Variants in RNF43 observed in about 807,000 individuals in gnomAD.
RNF43 encodes the protein ring finger protein 43, also known as E3 ubiquitin-protein ligase RNF43.
Under a neutral mutation model 78.4 loss-of-function variants are expected in RNF43, and 37 were observed. The observed-to-expected ratio is 0.47, with a 90% CI of 0.36 to 0.62. The LOEUF is 0.62. Ranked by LOEUF, RNF43 falls within the 20% of genes least tolerant of loss-of-function variation. The pLI is 0.00. For missense variants in RNF43, 774 were observed against 1,007.9 expected (o/e 0.77, Z 3.14); for synonymous variants, 347 against 395.0 (o/e 0.88, Z 1.44).
At chr17:58,401,727 G>A (rs1973803930) in intron 2 of RNF43, among the ~76,000 whole-genome samples, 1 of 151,804 alleles carries the variant, frequency 6.6e-6, no homozygotes, top group Non-Finnish European at 1.5e-5. Flanking sequence ...TCAGTTGCAG[G>A]CTGGGCTCTC....
intron 6 of RNF43, among the ~76,000 whole-genome samples, chr17:58,362,303 G>C (rs1001436907): frequency 6.6e-6 from 1 of 152,058 alleles, no homozygotes; most frequent in Non-Finnish European, 1.5e-5. Context: ...CTTGTTCACT[G>C]TACTACCCTC....
At chr17:58,362,106 C>CA (rs760631552) in intron 6 of RNF43, among the ~76,000 whole-genome samples, 2,317 of 148,338 alleles carry the variant, frequency 0.016, 24 homozygotes, top group Non-Finnish European at 0.022. Context: ...AACAAACAAA[C>CA]AAACAAAAAA....
intron 3 of RNF43, among the ~76,000 whole-genome samples, chr17:58,366,726 G>T (rs1320045449): frequency 6.6e-6 from 1 of 152,202 alleles, no homozygotes; most frequent in Non-Finnish European, 1.5e-5. Context: ...CCATAGGGTT[G>T]TTATGAGGAC....
intron 2 of RNF43, among the ~76,000 whole-genome samples, chr17:58,393,019 G>A (rs1290944459): frequency 6.6e-6 from 1 of 152,216 alleles, no homozygotes; most frequent in Non-Finnish European, 1.5e-5. Flanking sequence ...GAAACGGTAA[G>A]AACAACCCCT....
chr17:58,379,763 G>C (rs940717064), intron 2 of RNF43, among the ~76,000 whole-genome samples: 1 of 152,310 alleles, frequency 6.6e-6, no homozygotes, highest in Admixed American at 6.5e-5. Flanking sequence ...AGCTGCTTTT[G>C]AAATAAAGTG....
rs57986909 is a variant in RNF43, at chr17:58,406,769, TA to T, written c.252+8556del. Among the ~76,000 whole-genome samples the T allele has an allele frequency of 7.1e-3, 1,052 of 147,850 alleles. 8 individuals carry two copies. Among genetic ancestry groups the T allele is most frequent in the African/African-American group, 0.018 (711 of 40,470 alleles). On this transcript the variant is annotated intron_variant, in intron 2 of 9. Transcript: ENST00000407977. ...GGAAATCTATACTTTTTTTTTTTTT[TA>T]AAATAGCAAAATAAGTAGACTTATA... is the stretch of plus-strand genomic sequence containing the variant.
intron 2 of RNF43, among the ~76,000 whole-genome samples, chr17:58,387,245 C>A (rs968706707): frequency 6.6e-6 from 1 of 152,036 alleles, no homozygotes; most frequent in Non-Finnish European, 1.5e-5. Flanking sequence ...TTGTCTGGAC[C>A]CTGTTCCTGC....
intron 2 of RNF43, among the ~76,000 whole-genome samples, chr17:58,376,574 T>C (rs1026442487): frequency 1.3e-5 from 2 of 152,182 alleles, no homozygotes; most frequent in Non-Finnish European, 2.9e-5. Flanking sequence ...TGGCATTCCC[T>C]GGGTATAACA....
chr17:58,405,748 A>AAGAAAGAG (rs1555637529), intron 2 of RNF43, among the ~76,000 whole-genome samples: 2 of 151,530 alleles, frequency 1.3e-5, no homozygotes, highest in Non-Finnish European at 2.9e-5. Flanking sequence ...GAAAGAAAGA[A>AAGAAAGAG]AGAAAGAAAG....
At chr17:58,395,470 C>A (rs1973659888) in intron 2 of RNF43, among the ~76,000 whole-genome samples, 1 of 151,832 alleles carries the variant, frequency 6.6e-6, no homozygotes, top group Non-Finnish European at 1.5e-5. Context: ...TTATTGTGTA[C>A]ACTTGAACTC....
chr17:58,405,872 A>C (rs1278741881), intron 2 of RNF43, among the ~76,000 whole-genome samples: 1 of 152,226 alleles, frequency 6.6e-6, no homozygotes, highest in East Asian at 1.9e-4. Flanking sequence ...CCTCAGTTGG[A>C]CAAGGCTAAG....
chr17:58,401,724 C>T (rs189283460), intron 2 of RNF43, among the ~76,000 whole-genome samples: 1 of 152,078 alleles, frequency 6.6e-6, no homozygotes, highest in East Asian at 1.9e-4. Flanking sequence ...AGGTCAGTTG[C>T]AGGCTGGGCT....
chr17:58,360,112 T>C lies in RNF43; in HGVS notation c.952+37A>G, dbSNP rs755443484. On this transcript the variant is annotated intron_variant, in intron 8 of 9. Transcript: ENST00000407977. This position sits in a 1 kb window ranked among gnomAD's most constrained non-coding sequence, Gnocchi z 4.3. The stretch of plus-strand genomic sequence containing the variant: ...AGGGAAGCCACATTCTAGACCTGTC[T>C]GCCTACACAGAGGGGAGTCCTTGGC... 1.5e-4 allele frequency: 228 copies of C among 1,501,192 alleles called. No homozygotes were observed. Among genetic ancestry groups the C allele is most frequent in the Middle Eastern group, 6.0e-4 (3 of 4,982 alleles). 93.0% of individuals were successfully genotyped at this position (1,501,192 alleles called of 1,614,324 possible).
In RNF43 at chr17:58,415,746, A is replaced by C; in HGVS notation, c.-169T>G. ...CCTTTCTCTAAAGTTTATTCCCAAA[A>C]ACAGGTAGCATTCCTGATTGGGCAG... On this transcript the variant is annotated 5_prime_UTR_variant, in exon 2 of 10. Transcript: ENST00000407977. 1.4e-6 allele frequency: 1 copy of C among 701,592 alleles called. No homozygotes were observed. Among genetic ancestry groups the C allele is most frequent in the Non-Finnish European group, 2.3e-6 (1 of 428,768 alleles). 43.5% of individuals were successfully genotyped at this position (701,592 alleles called of 1,614,324 possible).
At chr17:58,374,646 C>T (rs991740292) in intron 2 of RNF43, among the ~76,000 whole-genome samples, 2 of 152,070 alleles carry the variant, frequency 1.3e-5, no homozygotes, top group Non-Finnish European at 2.9e-5. Flanking sequence ...CTGCCTCGGC[C>T]TCCTACAGTG....
intron 5 of RNF43, among the ~76,000 whole-genome samples, 184 bp from the exon 6 acceptor site, chr17:58,362,832 G>T (rs1208681255): frequency 6.6e-6 from 1 of 152,218 alleles, no homozygotes; most frequent in Non-Finnish European, 1.5e-5. Flanking sequence ...AGGGCACTCA[G>T]AGAGGATCTT....
Position 58,353,864 on chromosome 17 carries a change from T to C in RNF43, c.*1079A>G, listed in dbSNP as rs530625320. ...CACCACATTCACATTCCAAATGGGA[T>C]AATGCCTGAGGGGCCAAGAGTGGTC... is the stretch of plus-strand genomic sequence containing the variant. On this transcript the variant is annotated 3_prime_UTR_variant, in exon 10 of 10. Transcript: ENST00000407977. 21 of 188,298 alleles carry C rather than the reference T, an allele frequency of 1.1e-4. No homozygotes were observed. Among genetic ancestry groups the C allele is most frequent in the African/African-American group, 4.7e-4 (20 of 42,880 alleles). The allele number at this position is 188,298 out of a possible 1,614,324, so 11.7% of individuals were successfully genotyped here. A position where few individuals can be genotyped will look rare whatever the true frequency, so the allele number is the denominator to read the frequency against.
In RNF43 at chr17:58,357,364, C is replaced by A. The variant is rs572097911; in HGVS notation, c.2308+104G>T. 6 of 1,430,134 alleles carry A rather than the reference C, an allele frequency of 4.2e-6. No individual in the cohort carries two copies. The highest frequency in any genetic ancestry group is 5.9e-6 in the Non-Finnish European group (6 of 1,015,130). The allele number at this position is 1,430,134 out of a possible 1,614,324, so 88.6% of individuals were successfully genotyped here. Reference sequence around the variant, plus strand: ...TTTTGGTTGTCATCTCTGCTGTATCCTTCTCAGCTTCCATCAACCCTTTGT... The same window carrying A: ...TTTTGGTTGTCATCTCTGCTGTATCATTCTCAGCTTCCATCAACCCTTTGT... On this transcript the variant is annotated intron_variant, in intron 9 of 9. Coordinates refer to ENST00000407977, the MANE Select transcript of RNF43 (RefSeq NM_017763.6). The surrounding 1 kb of genome is among the most constrained non-coding windows in gnomAD (Gnocchi z 4.5).
chr17:58,370,890 T>C (rs372842640), intron 3 of RNF43, 21 bp downstream of exon 3: 25 of 1,575,960 alleles, frequency 1.6e-5, no homozygotes, highest in African/African-American at 5.4e-5. Flanking sequence ...CGGGTGTGTG[T>C]AGGGCGAAGT....
Sources: gnomAD v4.1 joint callset for allele counts (sites outside exome capture counted in the v4.1 genomes callset) on GRCh38, gnomAD v4.1.1 for gene constraint, Gnocchi (gnomAD v3.1) non-coding constraint, MANE v1.5 for transcripts, NCBI Gene and HGNC (gene_info 2026-07-23, HGNC 2026-07-21) for gene names.